Variants in NOX3 observed in about 807,000 individuals in gnomAD.
NOX3 encodes NADPH oxidase catalytic subunit-like 3.
A neutral mutation model predicts 76.7 loss-of-function variants in NOX3; 74 were observed. The ratio of observed to expected loss-of-function variants is 0.96; its 90% confidence interval spans 0.80 to 1.17. The LOEUF (loss-of-function observed/expected upper bound fraction) is 1.17. NOX3 is among the 50% of genes most tolerant of loss of function. NOX3 has a pLI of 0.00. For missense variants in NOX3, 695 were observed against 703.3 expected, an observed-to-expected ratio of 0.99 and a Z score of 0.13; for synonymous variants, 263 against 261.1, an observed-to-expected ratio of 1.01 and a Z score of -0.07.
intron 11 of NOX3, 54 bp from the exon 12 acceptor site, chr6:155,407,308 TATAA>T: frequency 1.3e-6 from 2 of 1,481,948 alleles, no homozygotes; most frequent in Non-Finnish European, 9.2e-7. Flanking sequence ...ATAAGACTTC[TATAA>T]ATAAAGAATA....
At chr6:155,439,520 C>T (rs1211936165) in intron 6 of NOX3, among the ~76,000 whole-genome samples, 1 of 152,172 alleles carries the variant, frequency 6.6e-6, no homozygotes, top group Admixed American at 6.5e-5. Context: ...GGACCCCACA[C>T]CAGACTGCCC....
Position 155,443,428 on chromosome 6 carries a change from G to A in NOX3, c.341-10C>T. ...GCCACGATGTGGATGGCTAGGACAA[G>A]GAGATGACACCAAACATGCACCCTG... On this transcript the variant is annotated splice_polypyrimidine_tract_variant and intron_variant, in intron 4 of 13. Transcript: ENST00000159060. The A allele has an allele frequency of 1.9e-6, 3 of 1,613,288 alleles. No homozygotes were observed. Among genetic ancestry groups the A allele is most frequent in the Non-Finnish European group, 2.5e-6 (3 of 1,179,558 alleles).
intron 4 of NOX3, among the ~76,000 whole-genome samples, chr6:155,451,628 T>C (rs1777140868): frequency 6.6e-6 from 1 of 151,554 alleles, no homozygotes; most frequent in East Asian, 1.9e-4. Context: ...TTCTGTTGTA[T>C]TTTTTTTTCT....
chr6:155,401,031 C>T (rs978481658), intron 12 of NOX3, among the ~76,000 whole-genome samples: 3 of 152,170 alleles, frequency 2.0e-5, no homozygotes, highest in African/African-American at 7.2e-5. Context: ...CCATTTTTGC[C>T]AACCCTTCCC....
intron 10 of NOX3, among the ~76,000 whole-genome samples, chr6:155,420,558 T>C (rs906092292): frequency 3.9e-5 from 6 of 152,226 alleles, no homozygotes; most frequent in African/African-American, 1.4e-4. Flanking sequence ...ATTCAAACTC[T>C]AGTTCTAGTA....
chr6:155,413,440 C>A (rs1045617551), intron 10 of NOX3, among the ~76,000 whole-genome samples: 9 of 151,318 alleles, frequency 5.9e-5, no homozygotes, highest in African/African-American at 1.9e-4. Context: ...AGTTGGCGAG[C>A]AGGGAGTTCC....
intron 3 of NOX3, among the ~76,000 whole-genome samples, chr6:155,453,749 T>C (rs892492065): frequency 6.6e-6 from 1 of 152,216 alleles, no homozygotes; most frequent in Admixed American, 6.5e-5. Context: ...CCAAAATACA[T>C]GCCTCACTCA....
chr6:155,440,006 T>G lies in NOX3; in HGVS notation c.618A>C (p.Thr206=). Residue 206 remains threonine, a synonymous_variant, in exon 6 of 14, where the codon ACA becomes ACC. Transcript: ENST00000159060. ...RQASYELFWY[T]HHVFIVFFLS... ...GAAAGAAGACGATGAAAACATGGTG[T>G]GTGTACCAGAACAACTCATAGGAGG... 6.2e-7 allele frequency: 1 copy of G among 1,613,942 alleles called. No homozygotes were observed. Among genetic ancestry groups the G allele is most frequent in the South Asian group, 1.1e-5 (1 of 91,036 alleles).
At chr6:155,398,945 A>G (rs1779175656) in intron 12 of NOX3, among the ~76,000 whole-genome samples, 1 of 152,126 alleles carries the variant, frequency 6.6e-6, no homozygotes, top group Non-Finnish European at 1.5e-5. Flanking sequence ...TCCTGATATT[A>G]TTTTCCCACG....
intron 10 of NOX3, among the ~76,000 whole-genome samples, chr6:155,421,203 T>C (rs1776685018): frequency 6.6e-6 from 1 of 152,232 alleles, no homozygotes; most frequent in Non-Finnish European, 1.5e-5. Flanking sequence ...TGAACCTAAG[T>C]TTGAATCCTG....
intron 8 of NOX3, among the ~76,000 whole-genome samples, chr6:155,429,650 G>C (rs535890822): frequency 9.9e-5 from 15 of 152,278 alleles, no homozygotes; most frequent in Admixed American, 9.8e-4. Context: ...GTTTCTAGTA[G>C]TGTTTATAAA....
chr6:155,446,772 T>C lies in NOX3; in HGVS notation c.341-3354A>G, dbSNP rs1777069564. On this transcript the variant is annotated intron_variant, in intron 4 of 13. Transcript: ENST00000159060. ...CTGATCACAACATTTGGAGTCCTCA[T>C]TGTAGGTTGGTGTAAATGCTCCTTT... Among the ~76,000 whole-genome samples the C allele has an allele frequency of 1.3e-5, 2 of 152,132 alleles. 1 individual carries two copies. The highest frequency in any genetic ancestry group is 2.9e-5 in the Non-Finnish European group (2 of 68,016).
At chr6:155,415,320 ACT>A (rs1178023069) in intron 10 of NOX3, among the ~76,000 whole-genome samples, 1 of 152,008 alleles carries the variant, frequency 6.6e-6, no homozygotes, top group Non-Finnish European at 1.5e-5. Context: ...GAGAGCTCAG[ACT>A]CTCTAATCAA....
At chr6:155,448,606 A>T (rs1665394128) in intron 4 of NOX3, among the ~76,000 whole-genome samples, 2 of 147,048 alleles carry the variant, frequency 1.4e-5, no homozygotes, top group African/African-American at 5.0e-5. Context: ...TGGACTTCTG[A>T]GTTCAAATAA....
chr6:155,425,358 C>T (rs534664851), intron 9 of NOX3, among the ~76,000 whole-genome samples: 1 of 152,182 alleles, frequency 6.6e-6, no homozygotes, highest in South Asian at 2.1e-4. Flanking sequence ...TGCAGCTATC[C>T]CTGCCTTGAT....
Position 155,455,093 on chromosome 6 carries a change from CA to C in NOX3, c.84del (p.Ile28MetfsTer34), listed in dbSNP as rs1214413339. 6.2e-7 allele frequency: 1 copy of C among 1,612,916 alleles called. No homozygotes were observed. The highest frequency in any genetic ancestry group is 8.5e-7 in the Non-Finnish European group (1 of 1,179,340). On this transcript the variant is annotated frameshift_variant, in exon 2 of 14. Coordinates refer to ENST00000159060, the MANE Select transcript of NOX3 (RefSeq NM_015718.3). LOFTEE classifies it high-confidence loss of function. The part of the protein sequence containing the change: ...SWLGINFYLF[I>X]DTFYWYEEEE... ...TCCTCTTCATACCAGTAGAACGTGT[CA>C]ATAAACAGATAAAAATTTATTCCCA...
At chr6:155,438,266 G>A (rs193270936) in intron 6 of NOX3, among the ~76,000 whole-genome samples, 1 of 152,138 alleles carries the variant, frequency 6.6e-6, no homozygotes, top group Admixed American at 6.5e-5. Flanking sequence ...AACACACTGG[G>A]TCTACACACC....
chr6:155,433,762 G>A (rs1339941297), intron 7 of NOX3, among the ~76,000 whole-genome samples: 1 of 152,170 alleles, frequency 6.6e-6, no homozygotes, highest in Non-Finnish European at 1.5e-5. Flanking sequence ...TCTTTAAGGT[G>A]GCTTTACTGG....
At position 155,417,497 on chromosome 6, in the gene NOX3, A is replaced by G. The variant is rs563997322; in HGVS notation, c.1308+5197T>C. Among the ~76,000 whole-genome samples the G allele has an allele frequency of 9.8e-5, 15 of 152,334 alleles. No individual in the cohort carries two copies. In the East Asian group the frequency reaches 2.5e-3, roughly 25 times the overall value. On this transcript the variant is annotated intron_variant, in intron 10 of 13. Coordinates refer to ENST00000159060, the MANE Select transcript of NOX3 (RefSeq NM_015718.3). ...AATACTGGTCACTTCCGCACAGAGCAATGGTGAGGGCTGATGGGGTACTGA... is the reference window on the plus strand; with the variant it reads ...AATACTGGTCACTTCCGCACAGAGCGATGGTGAGGGCTGATGGGGTACTGA...
Sources: allele counts gnomAD v4.1 joint callset (sites outside exome capture counted in the v4.1 genomes callset), GRCh38; gene constraint gnomAD v4.1.1; transcripts MANE v1.5; gene names NCBI Gene and HGNC (gene_info 2026-07-23, HGNC 2026-07-21).